The following YPEL2 variants were observed in gnomAD, a reference collection of about 807,000 sequenced individuals.
The protein encoded by YPEL2 is yippee like 2.
Under a neutral mutation model 19.1 loss-of-function variants are expected in YPEL2, and 2 were observed. The observed-to-expected ratio is 0.10, with a 90% confidence interval of 0.04 to 0.33. The LOEUF (loss-of-function observed/expected upper bound fraction) is 0.33, where lower values mean the gene tolerates loss of function less well. YPEL2 is among the 10% of genes least tolerant of loss of function. The pLI, the probability that YPEL2 is intolerant of heterozygous loss-of-function variation, is 1.00. For synonymous variants in YPEL2, 52 were observed against 50.0 expected (o/e 1.04, Z -0.17); for missense variants, 66 against 140.7 (o/e 0.47, Z 2.68).
intron 2 of YPEL2, among the ~76,000 whole-genome samples, chr17:59,382,757 A>G (rs1305189535): frequency 6.6e-6 from 1 of 152,202 alleles, no homozygotes; most frequent in African/African-American, 2.4e-5. Flanking sequence ...ACGTATTCTA[A>G]TGAGAGGGTT....
chr17:59,378,652 A>G (rs2047934202), intron 2 of YPEL2, among the ~76,000 whole-genome samples: 1 of 152,046 alleles, frequency 6.6e-6, no homozygotes, highest in Non-Finnish European at 1.5e-5. Flanking sequence ...TCTCCCTTTC[A>G]TCAATAAAAC....
At chr17:59,335,868 G>C (rs1161392866) in intron 1 of YPEL2, among the ~76,000 whole-genome samples, 1 of 152,072 alleles carries the variant, frequency 6.6e-6, no homozygotes, top group Non-Finnish European at 1.5e-5. Flanking sequence ...AAATTTTTGC[G>C]TGGCTGACTC....
intron 1 of YPEL2, among the ~76,000 whole-genome samples, chr17:59,333,583 C>A (rs963336229): frequency 3.9e-5 from 6 of 152,150 alleles, no homozygotes; most frequent in African/African-American, 1.4e-4. Context: ...ATTACCCTTA[C>A]TCCCTGCAGT....
At chr17:59,388,789 C>T in intron 3 of YPEL2, 1 of 200,688 alleles carries the variant, frequency 5.0e-6, no homozygotes. Context: ...GGGCACTCAG[C>T]CATCCCCAGG....
intron 1 of YPEL2, among the ~76,000 whole-genome samples, chr17:59,347,723 A>G (rs2047763751): frequency 1.3e-5 from 2 of 152,120 alleles, no homozygotes; most frequent in African/African-American, 4.8e-5. Flanking sequence ...AGAATTCTAG[A>G]TTTGGGGAGA....
intron 2 of YPEL2, among the ~76,000 whole-genome samples, chr17:59,363,880 C>G (rs770014872): frequency 6.6e-6 from 1 of 152,162 alleles, no homozygotes; most frequent in African/African-American, 2.4e-5. Flanking sequence ...CCTTTCTTCC[C>G]TCCTGTCATT....
chr17:59,351,498 G>C (rs2047787442), intron 1 of YPEL2, among the ~76,000 whole-genome samples: 1 of 152,142 alleles, frequency 6.6e-6, no homozygotes, highest in African/African-American at 2.4e-5. Context: ...TCTGTGGGCT[G>C]TTTTGTCATT....
chr17:59,362,923 T>G (rs2047848621), intron 2 of YPEL2: 2 of 152,160 alleles, frequency 1.3e-5, no homozygotes, highest in South Asian at 2.1e-4. Flanking sequence ...CAATATTTCT[T>G]GTGCTTTAAA....
At chr17:59,349,358 CTTTTTTT>C (rs58304283) in intron 1 of YPEL2, among the ~76,000 whole-genome samples, 20 of 119,212 alleles carry the variant, frequency 1.7e-4, no homozygotes, top group African/African-American at 2.6e-4. Context: ...CCTTTTTTTT[CTTTTTTT>C]TTTTTTTTTT....
chr17:59,371,404 G>A (rs1228279558), intron 2 of YPEL2, among the ~76,000 whole-genome samples: 1 of 152,214 alleles, frequency 6.6e-6, no homozygotes, highest in South Asian at 2.1e-4. Context: ...GTGGCAGGTG[G>A]AACATGGCTT....
intron 2 of YPEL2, among the ~76,000 whole-genome samples, chr17:59,381,586 T>G (rs931354264): frequency 3.9e-5 from 6 of 152,170 alleles, no homozygotes; most frequent in Non-Finnish European, 8.8e-5. Context: ...AGTTTCTGCC[T>G]TCCAGACTTG....
At position 59,378,379 on chromosome 17, in the gene YPEL2, C is replaced by G. The variant is rs576328217; in HGVS notation, c.118-9948C>G. On this transcript the variant is annotated intron_variant, in intron 2 of 4. Coordinates refer to ENST00000312655, the MANE Select transcript of YPEL2 (RefSeq NM_001005404.4). ...TTTTTTTTTGAGACAAGTTCTCACT[C>G]TGTCACCCAGGTTGGAGTGCAGTGG... 4.7e-5 allele frequency among the ~76,000 whole-genome samples: 7 copies of G among 149,394 alleles called. No individual in the cohort carries two copies. In the East Asian group the frequency reaches 1.4e-3, roughly 29 times the overall value.
At position 59,366,595 on chromosome 17, in the gene YPEL2, A is replaced by G. The variant is rs563230083; in HGVS notation, c.117+13069A>G. ...GATGCATCTTTGGAGGAATGTCTGT[A>G]TTCTCAGGACCAGGCCTCTCCCCAC... On this transcript the variant is annotated intron_variant, in intron 2 of 4. Coordinates refer to ENST00000312655, the MANE Select transcript of YPEL2 (RefSeq NM_001005404.4). Among the ~76,000 whole-genome samples, 356 of 152,292 alleles carry G rather than the reference A, an allele frequency of 2.3e-3. 2 individuals are homozygous for G. The highest frequency in any genetic ancestry group is 8.0e-3 in the African/African-American group (332 of 41,550).
intron 1 of YPEL2, among the ~76,000 whole-genome samples, chr17:59,352,385 T>C (rs1410217674): frequency 6.6e-6 from 1 of 152,174 alleles, no homozygotes; most frequent in Non-Finnish European, 1.5e-5. Flanking sequence ...CCTCACTTTC[T>C]CATTGTCCTT....
chr17:59,377,129 T>G (rs1478575714), intron 2 of YPEL2, among the ~76,000 whole-genome samples: 1 of 152,112 alleles, frequency 6.6e-6, no homozygotes, highest in East Asian at 1.9e-4. Context: ...CCCACTGACT[T>G]CATAGACAAC....
At chr17:59,349,740 A>T (rs964560145) in intron 1 of YPEL2, among the ~76,000 whole-genome samples, 1 of 152,054 alleles carries the variant, frequency 6.6e-6, no homozygotes, top group Admixed American at 6.5e-5. Flanking sequence ...GGCTCACTGC[A>T]ACCTCCACCT....
intron 4 of YPEL2, among the ~76,000 whole-genome samples, chr17:59,390,765 T>G (rs2048003643): frequency 6.6e-6 from 1 of 152,158 alleles, no homozygotes; most frequent in Non-Finnish European, 1.5e-5. Flanking sequence ...CACATAACCA[T>G]AGACACTGCC....
rs550981653 is a variant in YPEL2 at position 59,383,341 on chromosome 17, G to A, written c.118-4986G>A. Among the ~76,000 whole-genome samples the A allele has an allele frequency of 7.9e-5, 12 of 151,576 alleles. No individual in the cohort carries two copies. In the East Asian group the frequency reaches 2.3e-3, roughly 30 times the overall value. On this transcript the variant is annotated intron_variant, in intron 2 of 4. Coordinates refer to ENST00000312655, the MANE Select transcript of YPEL2 (RefSeq NM_001005404.4). ...AGGCCGGGCGTGGTGGCTCACGCCT[G>A]TAATCGCAGCACTTTGGGAGGCCAA...
chr17:59,384,189 T>A (rs1007481951), intron 2 of YPEL2, among the ~76,000 whole-genome samples: 5 of 152,226 alleles, frequency 3.3e-5, no homozygotes, highest in Admixed American at 3.3e-4. Context: ...TATCAGTTTT[T>A]TTCTCTTTTA....
Sources: allele counts gnomAD v4.1 joint callset (sites outside exome capture counted in the v4.1 genomes callset), GRCh38; gene constraint gnomAD v4.1.1; transcripts MANE v1.5; gene names NCBI Gene and HGNC (gene_info 2026-07-23, HGNC 2026-07-21).